Variants in VPS41 observed in about 807,000 individuals in gnomAD.
VPS41 encodes vacuolar protein sorting-associated protein 41 homolog.
VPS41 carries 85 observed loss-of-function variants against 130.9 expected under a neutral mutation model. The ratio of observed to expected loss-of-function variants is 0.65; its 90% CI spans 0.55 to 0.78. The LOEUF (loss-of-function observed/expected upper bound fraction) is 0.78, where lower values mean the gene tolerates loss of function less well. Among genes scored for constraint, VPS41 ranks in the 30% least tolerant of loss-of-function variants. The pLI is 0.00. For synonymous variants in VPS41, 335 were observed against 332.9 expected (o/e 1.01, Z -0.07); for missense variants, 874 against 1,018.7 (o/e 0.86, Z 1.93).
chr7:38,887,677 AACACCACAAAGAT>A (rs1300746707), intron 2 of VPS41, among the ~76,000 whole-genome samples: 17 of 152,254 alleles, frequency 1.1e-4, no homozygotes, highest in African/African-American at 3.9e-4. Flanking sequence ...AAATACAGAG[AACACCACAAAGAT>A]ACTCCTCGAG....
chr7:38,758,048 A>G (rs1584378588), intron 18 of VPS41, among the ~76,000 whole-genome samples: 1 of 152,302 alleles, frequency 6.6e-6, no homozygotes, highest in South Asian at 2.1e-4. Flanking sequence ...AGCCTTGCTC[A>G]TTGGGAAACT....
chr7:38,909,046 C>T, intron 1 of VPS41, 108 bp downstream of exon 1: 1 of 1,330,092 alleles, frequency 7.5e-7, no homozygotes, highest in Non-Finnish European at 1.1e-6. Context: ...ACCTGCCTTG[C>T]GCTATTCCAG....
chr7:38,795,551 T>C lies in VPS41; in HGVS notation c.631A>G (p.Ile211Val), dbSNP rs775247959. Reference sequence around the variant, plus strand: ...GGATACATGTCTGGGCGAAGACTTATATCATCCCGGGGCACATTGGTGATT... The same window carrying C: ...GGATACATGTCTGGGCGAAGACTTACATCATCCCGGGGCACATTGGTGATT... ...QRITNVPRDD[I>V]SLRPDMYPCS... The change falls in exon 9 of 29, where the codon ATA becomes GTA. Residue 211 changes from isoleucine (I) to valine (V), a missense_variant. Transcript: ENST00000310301. The C allele has an allele frequency of 1.2e-6, 2 of 1,613,732 alleles. No homozygotes were observed. The highest frequency in any genetic ancestry group is 2.2e-5 in the East Asian group (1 of 44,868).
intron 10 of VPS41, among the ~76,000 whole-genome samples, chr7:38,777,176 G>C (rs909071045): frequency 1.3e-5 from 2 of 152,094 alleles, no homozygotes; most frequent in Admixed American, 6.5e-5. Context: ...TTTCTCAATT[G>C]GGGCATTATA....
At chr7:38,804,383 T>A (rs1279510256) in intron 7 of VPS41, among the ~76,000 whole-genome samples, 1 of 152,184 alleles carries the variant, frequency 6.6e-6, no homozygotes, top group Non-Finnish European at 1.5e-5. Flanking sequence ...CCTCTATGTA[T>A]CCATGTGTTC....
chr7:38,742,263 C>G lies in VPS41; in HGVS notation c.2123-142G>C, dbSNP rs568512702. 127 of 752,180 alleles carry G rather than the reference C, an allele frequency of 1.7e-4. No individual in the cohort carries two copies. The African/African-American group carries it at 2.0e-3, about 12-fold the overall frequency. The allele number at this position is 752,180 out of a possible 1,614,324, so 46.6% of individuals were successfully genotyped here. A position where few individuals can be genotyped will look rare whatever the true frequency, so the allele number is the denominator to read the frequency against. On this transcript the variant is annotated intron_variant, in intron 24 of 28. Coordinates refer to ENST00000310301, the MANE Select transcript of VPS41 (RefSeq NM_014396.4). ...TTTCCTTCAAAGTAAGTGTTAAAAC[C>G]ATTTGAATTTCTAAACTCTTAAGAA...
At chr7:38,828,255 A>G (rs1785318794) in intron 5 of VPS41, among the ~76,000 whole-genome samples, 1 of 152,094 alleles carries the variant, frequency 6.6e-6, no homozygotes, top group South Asian at 2.1e-4. Flanking sequence ...ACACACACAC[A>G]CACGCACACA....
At chr7:38,857,976 G>C (rs1045859939) in intron 4 of VPS41, among the ~76,000 whole-genome samples, 4 of 152,216 alleles carry the variant, frequency 2.6e-5, no homozygotes, top group African/African-American at 7.2e-5. Flanking sequence ...AAAGAGTTAA[G>C]TTATCAGCAG....
intron 17 of VPS41, 86 bp from the exon 18 acceptor site, chr7:38,758,567 T>C: frequency 1.5e-6 from 2 of 1,342,450 alleles, no homozygotes; most frequent in Non-Finnish European, 2.0e-6. Context: ...TGGTCCTCCT[T>C]CTGTTTCCTG....
intron 5 of VPS41, 140 bp from the exon 6 acceptor site, chr7:38,821,405 T>C (rs1584412207): frequency 1.6e-6 from 1 of 626,552 alleles, no homozygotes; most frequent in African/African-American, 1.8e-5. Flanking sequence ...AAATATCTAA[T>C]GAAAACAATC....
intron 7 of VPS41, among the ~76,000 whole-genome samples, chr7:38,798,682 G>A (rs1399488076): frequency 2.0e-5 from 3 of 152,148 alleles, no homozygotes; most frequent in African/African-American, 7.2e-5. Context: ...TCCGAAATGG[G>A]TGAAGCACAG....
intron 2 of VPS41, among the ~76,000 whole-genome samples, chr7:38,897,619 T>C (rs2116438506): frequency 7.2e-6 from 1 of 138,450 alleles, no homozygotes; most frequent in East Asian, 2.1e-4. Context: ...CACTCCAGCC[T>C]GGGCAACAGA....
At chr7:38,815,044 T>C (rs981855836) in intron 7 of VPS41, among the ~76,000 whole-genome samples, 3 of 152,174 alleles carry the variant, frequency 2.0e-5, no homozygotes, top group Admixed American at 6.5e-5. Flanking sequence ...TTGAATTTTC[T>C]AAGTATGAGA....
chr7:38,868,363 C>T (rs979515847), intron 3 of VPS41, among the ~76,000 whole-genome samples: 1 of 152,074 alleles, frequency 6.6e-6, no homozygotes, highest in African/African-American at 2.4e-5. Context: ...TACAATGAAA[C>T]AAAATTTGAA....
At chr7:38,775,676 T>C (rs930799968) in intron 11 of VPS41, 3 of 152,164 alleles carry the variant, frequency 2.0e-5, no homozygotes, top group African/African-American at 4.8e-5. Context: ...TAGCATTTCA[T>C]TGCCTAGCAA....
intron 2 of VPS41, among the ~76,000 whole-genome samples, chr7:38,895,819 T>G (rs1786974734): frequency 6.6e-6 from 1 of 152,176 alleles, no homozygotes; most frequent in Non-Finnish European, 1.5e-5. Context: ...CTCCTTTCTT[T>G]AAATTCTCGA....
intron 14 of VPS41, among the ~76,000 whole-genome samples, chr7:38,770,996 C>T (rs1371707956): frequency 6.6e-6 from 1 of 152,088 alleles, no homozygotes; most frequent in Non-Finnish European, 1.5e-5. Context: ...TTACCTAAAA[C>T]TGCCTCCTAG....
intron 4 of VPS41, among the ~76,000 whole-genome samples, chr7:38,832,465 C>A (rs556995521): frequency 2.0e-5 from 3 of 151,914 alleles, no homozygotes; most frequent in African/African-American, 7.2e-5. Context: ...ATTACAGGCA[C>A]GTGCCACCAC....
intron 5 of VPS41, among the ~76,000 whole-genome samples, chr7:38,822,003 T>C (rs1785181782): frequency 6.6e-6 from 1 of 152,146 alleles, no homozygotes; most frequent in Non-Finnish European, 1.5e-5. Flanking sequence ...ACCAACCATG[T>C]AGATCAGTGT....
Sources: gnomAD v4.1 joint callset for allele counts (sites outside exome capture counted in the v4.1 genomes callset) on GRCh38, gnomAD v4.1.1 for gene constraint, MANE v1.5 for transcripts, NCBI Gene and HGNC (gene_info 2026-07-23, HGNC 2026-07-21) for gene names.